Variants in GSE1 observed in about 807,000 individuals in gnomAD.
GSE1 encodes genetic suppressor element 1.
Under a neutral mutation model 112.6 loss-of-function variants are expected in GSE1, and 32 were observed. That is an observed-to-expected ratio of 0.28 (90% CI 0.21 to 0.38). The LOEUF (loss-of-function observed/expected upper bound fraction) is 0.38. Ranked by LOEUF, GSE1 falls within the 10% of genes least tolerant of loss-of-function variation. GSE1 has a pLI of 1.00. For missense variants in GSE1, 2,348 were observed against 1,699.2 expected (o/e 1.38, Z -6.71); for synonymous variants, 1,115 against 735.6 (o/e 1.52, Z -8.35).
intron 1 of GSE1, among the ~76,000 whole-genome samples, chr16:85,315,890 G>A (rs967959789): frequency 6.6e-6 from 1 of 152,170 alleles, no homozygotes; most frequent in Non-Finnish European, 1.5e-5. Context: ...AAGTGTATCC[G>A]CTGCATCCCA....
At chr16:85,453,818 C>T (rs993856015) in intron 2 of GSE1, among the ~76,000 whole-genome samples, 4 of 152,202 alleles carry the variant, frequency 2.6e-5, no homozygotes, top group Non-Finnish European at 4.4e-5. Context: ...TGTCTGACCT[C>T]GGCCGGCCCC....
At chr16:85,265,014 A>G (rs150425748) in intron 1 of GSE1, among the ~76,000 whole-genome samples, 1 of 152,302 alleles carries the variant, frequency 6.6e-6, no homozygotes, top group East Asian at 1.9e-4. Flanking sequence ...TGAAGAGTAA[A>G]CGAGCAGGCA....
chr16:85,362,792 C>G (rs548658178), intron 2 of GSE1, among the ~76,000 whole-genome samples: 4 of 151,398 alleles, frequency 2.6e-5, no homozygotes, highest in Non-Finnish European at 5.9e-5. Context: ...GGGTATCCTT[C>G]CTGAGCTGTG....
intron 2 of GSE1, among the ~76,000 whole-genome samples, chr16:85,412,935 T>C (rs1296749243): frequency 1.3e-5 from 2 of 152,220 alleles, no homozygotes; most frequent in Non-Finnish European, 2.9e-5. Context: ...TGTGACTGTA[T>C]TGACCATGTG....
At chr16:85,484,521 C>A (rs1029325336) in intron 2 of GSE1, among the ~76,000 whole-genome samples, 2 of 152,346 alleles carry the variant, frequency 1.3e-5, no homozygotes, top group Non-Finnish European at 2.9e-5. Flanking sequence ...CCTTGAGTGA[C>A]GAAGCCAGGG....
chr16:85,656,359 G>C lies in GSE1; in HGVS notation c.1006G>C (p.Glu336Gln). The C allele has an allele frequency of 6.2e-7, 1 of 1,611,968 alleles. No individual in the cohort carries two copies. The highest frequency in any genetic ancestry group is 8.5e-7 in the Non-Finnish European group (1 of 1,179,746). ...LSAERLQMDE[E>Q]LRRERERERE... ...GTGCTGCAGGCTGCAGATGGACGAG[G>C]AGCTAAGGCGGGAGAGGGAGCGCGA... Residue 336 changes from glutamate to glutamine, a missense_variant, in exon 7 of 16, where the codon GAG becomes CAG. Coordinates refer to ENST00000253458, the MANE Select transcript of GSE1 (RefSeq NM_014615.5).
At chr16:85,672,080 C>T (rs572548779) in intron 15 of GSE1, 160 of 299,298 alleles carry the variant, frequency 5.3e-4, no homozygotes, top group Non-Finnish European at 9.0e-4. Context: ...CTCACTGCAA[C>T]CTCCGCCTCC....
intron 1 of GSE1, among the ~76,000 whole-genome samples, chr16:85,259,502 C>T (rs1281816809): frequency 6.6e-6 from 1 of 152,250 alleles, no homozygotes; most frequent in Non-Finnish European, 1.5e-5. Flanking sequence ...GCTGGAGGCC[C>T]TCACGGCCGG....
intron 1 of GSE1, among the ~76,000 whole-genome samples, chr16:85,604,294 C>CGTGTCTTCAAGGTTCATCT (rs1456281795): frequency 4.1e-4 from 63 of 152,322 alleles, no homozygotes; most frequent in African/African-American, 1.4e-3. Flanking sequence ...CATCCAGCAT[C>CGTGTCTTCAAGGTTCATCT]GTGTCTTCAA....
At chr16:85,208,514 C>T (rs1056420715) in intron 1 of GSE1, among the ~76,000 whole-genome samples, 9 of 152,200 alleles carry the variant, frequency 5.9e-5, no homozygotes, top group Non-Finnish European at 1.2e-4. Context: ...AGGTCCTCGT[C>T]CCCCACACCA....
At chr16:85,199,817 C>T (rs1010415539) in intron 1 of GSE1, among the ~76,000 whole-genome samples, 11 of 152,096 alleles carry the variant, frequency 7.2e-5, no homozygotes, top group Admixed American at 1.3e-4. Context: ...GGCAGACCCC[C>T]GTGTGGAGAC....
At position 85,463,920 on chromosome 16, in the gene GSE1, T is replaced by C. The variant is rs957072696; in HGVS notation, c.2464+106277T>C. On this transcript the variant is annotated intron_variant, in intron 2 of 2. Coordinates refer to the GSE1 transcript ENST00000637419. ...GTGAGGGATGGAGAGAAGCCTTCCA[T>C]GAACAGCAACTCAGGCTACCAAGGT... Among the ~76,000 whole-genome samples, 5 of 152,206 alleles carry C rather than the reference T, an allele frequency of 3.3e-5. No individual in the cohort carries two copies. In the South Asian group the frequency reaches 6.2e-4, roughly 19 times the overall value.
At chr16:85,420,494 G>A (rs1330932911) in intron 2 of GSE1, among the ~76,000 whole-genome samples, 1 of 151,760 alleles carries the variant, frequency 6.6e-6, no homozygotes, top group African/African-American at 2.4e-5. Context: ...CCGCTGCGGA[G>A]GACCCTGGGG....
At chr16:85,439,558 A>ACACACC (rs1491192613) in intron 2 of GSE1, among the ~76,000 whole-genome samples, 4 of 145,284 alleles carry the variant, frequency 2.8e-5, no homozygotes, top group African/African-American at 9.9e-5. Context: ...ACACACACAC[A>ACACACC]CCCCAGGCGT....
intron 2 of GSE1, among the ~76,000 whole-genome samples, chr16:85,468,667 G>A (rs2050195316): frequency 6.6e-6 from 1 of 152,064 alleles, no homozygotes; most frequent in African/African-American, 2.4e-5. Flanking sequence ...ATGTCATCTT[G>A]GAGAGCTTTG....
chr16:85,205,241 C>G (rs1173849033), intron 1 of GSE1, among the ~76,000 whole-genome samples: 1 of 152,150 alleles, frequency 6.6e-6, no homozygotes, highest in Non-Finnish European at 1.5e-5. Flanking sequence ...AAGCTGTTCT[C>G]CTGCCTCAAC....
chr16:85,334,768 G>T (rs922267341), intron 1 of GSE1, among the ~76,000 whole-genome samples: 3 of 152,164 alleles, frequency 2.0e-5, no homozygotes, highest in South Asian at 2.1e-4. Context: ...CTTCATCAGC[G>T]TATTCACTGC....
In GSE1 at chr16:85,420,646, G is replaced by A. The variant is rs139979849; in HGVS notation, c.2464+63003G>A. ...TGCAGCAGATGAGGCCAGCCCACTC[G>A]GCCCACCGGGCATGCTGGTGCTCAG... On this transcript the variant is annotated intron_variant, in intron 2 of 2. Coordinates refer to the GSE1 transcript ENST00000637419. Among the ~76,000 whole-genome samples, 56 of 152,216 alleles carry A rather than the reference G, an allele frequency of 3.7e-4. No individual in the cohort carries two copies. The East Asian group carries it at 6.8e-3, about 18-fold the overall frequency.
At chr16:85,426,222 G>GATGT (rs56352702) in intron 2 of GSE1, among the ~76,000 whole-genome samples, 3 of 147,724 alleles carry the variant, frequency 2.0e-5, no homozygotes, top group Admixed American at 2.0e-4. Context: ...TGGATGGATG[G>GATGT]TAGATGGTGG....
Sources: allele counts gnomAD v4.1 joint callset (sites outside exome capture counted in the v4.1 genomes callset), GRCh38; gene constraint gnomAD v4.1.1; transcripts MANE v1.5; gene names NCBI Gene and HGNC (gene_info 2026-07-23, HGNC 2026-07-21).